Variants in SEMA3E observed in about 807,000 individuals in gnomAD.
SEMA3E encodes semaphorin-3E.
In SEMA3E, 49 loss-of-function variants were observed where a neutral mutation model predicts 93.6. That is an observed-to-expected ratio of 0.52 (90% CI 0.42 to 0.66). The LOEUF is 0.66. Among genes scored for constraint, SEMA3E ranks in the 30% least tolerant of loss-of-function variants. SEMA3E has a pLI of 0.00. For missense variants in SEMA3E, 906 were observed against 964.8 expected, an observed-to-expected ratio of 0.94 and a Z score of 0.81; for synonymous variants, 363 against 330.7, an observed-to-expected ratio of 1.10 and a Z score of -1.06.
At chr7:83,515,162 C>A (rs1790900988) in intron 1 of SEMA3E, among the ~76,000 whole-genome samples, 1 of 152,040 alleles carries the variant, frequency 6.6e-6, no homozygotes, top group Non-Finnish European at 1.5e-5. Flanking sequence ...TACCCTTGCC[C>A]AGCGCCCCTC....
intron 2 of SEMA3E, among the ~76,000 whole-genome samples, chr7:83,486,604 G>A (rs973068124): frequency 2.0e-5 from 3 of 151,980 alleles, no homozygotes; most frequent in African/African-American, 2.4e-5. Flanking sequence ...CTCCTACTCC[G>A]CTGCTACTAA....
chr7:83,490,909 A>T (rs2115979290), intron 1 of SEMA3E, among the ~76,000 whole-genome samples: 1 of 152,200 alleles, frequency 6.6e-6, no homozygotes, highest in South Asian at 2.1e-4. Context: ...AATCTGGCAA[A>T]CCTCTCATGT....
At chr7:83,519,084 T>C (rs1332777801) in intron 1 of SEMA3E, among the ~76,000 whole-genome samples, 2 of 152,064 alleles carry the variant, frequency 1.3e-5, no homozygotes, top group Admixed American at 6.6e-5. Flanking sequence ...ACTCGTCATT[T>C]AGCATTAGGT....
chr7:83,389,754 A>AC, intron 14 of SEMA3E, among the ~76,000 whole-genome samples: 1 of 140,246 alleles, frequency 7.1e-6, no homozygotes, highest in Non-Finnish European at 1.5e-5. Flanking sequence ...TATATATTAC[A>AC]TGTATACATA....
At position 83,633,897 on chromosome 7, in the gene SEMA3E, C is replaced by T. The variant is rs540097017; in HGVS notation, c.115+14531G>A. Among the ~76,000 whole-genome samples the T allele has an allele frequency of 4.6e-5, 7 of 152,262 alleles. No individual in the cohort carries two copies. In the South Asian group the frequency reaches 1.5e-3, roughly 32 times the overall value. On this transcript the variant is annotated intron_variant, in intron 1 of 16. Transcript: ENST00000643230. ...TGTCATCAACAAAATTGCAATATTACACACACCATTCACAGGGAGATCACT... is the reference window on the plus strand; with the variant it reads ...TGTCATCAACAAAATTGCAATATTATACACACCATTCACAGGGAGATCACT...
At chr7:83,495,924 C>T (rs540374088) in intron 1 of SEMA3E, among the ~76,000 whole-genome samples, 4 of 151,928 alleles carry the variant, frequency 2.6e-5, no homozygotes, top group East Asian at 1.9e-4. Flanking sequence ...GGAAGATGTA[C>T]GAGACGTCTC....
chr7:83,410,533 A>C (rs1205163712), intron 5 of SEMA3E, among the ~76,000 whole-genome samples: 1 of 152,080 alleles, frequency 6.6e-6, no homozygotes, highest in Non-Finnish European at 1.5e-5. Context: ...GAAAGGGAAA[A>C]GATTAACATA....
chr7:83,463,171 CAAA>C (rs1336988052), intron 4 of SEMA3E, among the ~76,000 whole-genome samples: 1 of 82,636 alleles, frequency 1.2e-5, no homozygotes, highest in East Asian at 0.018. Flanking sequence ...GCACCTTCTA[CAAA>C]ACAACAACTC....
At chr7:83,455,233 T>G (rs922332544) in intron 4 of SEMA3E, among the ~76,000 whole-genome samples, 1 of 152,206 alleles carries the variant, frequency 6.6e-6, no homozygotes, top group East Asian at 1.9e-4. Context: ...CCTGTTAAAA[T>G]ATGGCAGCAG....
At chr7:83,598,171 G>C (rs919583787) in intron 1 of SEMA3E, among the ~76,000 whole-genome samples, 4 of 152,114 alleles carry the variant, frequency 2.6e-5, no homozygotes, top group Non-Finnish European at 4.4e-5. Flanking sequence ...GCTGAAGCAG[G>C]GGTAAGCTAG....
At chr7:83,387,187 C>G (rs1787899063) in intron 14 of SEMA3E, 137 bp from the exon 15 acceptor site, 7 of 750,330 alleles carry the variant, frequency 9.3e-6, no homozygotes, top group Non-Finnish European at 1.6e-5. Context: ...AGAATAAAAT[C>G]CAAGTTTCAT....
At chr7:83,579,519 C>A (rs1252873894) in intron 1 of SEMA3E, among the ~76,000 whole-genome samples, 3 of 151,878 alleles carry the variant, frequency 2.0e-5, no homozygotes, top group African/African-American at 4.8e-5. Flanking sequence ...TAAAATTGGC[C>A]CACTGACATT....
At chr7:83,467,399 A>G (rs1789791292) in intron 3 of SEMA3E, among the ~76,000 whole-genome samples, 1 of 152,196 alleles carries the variant, frequency 6.6e-6, no homozygotes, top group South Asian at 2.1e-4. Flanking sequence ...CACACTCACA[A>G]ATTCACATAA....
intron 5 of SEMA3E, among the ~76,000 whole-genome samples, chr7:83,418,085 T>G (rs1788591973): frequency 6.6e-6 from 1 of 152,246 alleles, no homozygotes; most frequent in Admixed American, 6.5e-5. Context: ...CTGGCAAAAT[T>G]TTTATAAAGT....
At chr7:83,577,002 C>A (rs1017935881) in intron 1 of SEMA3E, among the ~76,000 whole-genome samples, 1 of 152,252 alleles carries the variant, frequency 6.6e-6, no homozygotes, top group Non-Finnish European at 1.5e-5. Flanking sequence ...TGCTTTATAT[C>A]ATTTCAATAT....
chr7:83,554,997 TA>T (rs1791857325), intron 1 of SEMA3E, among the ~76,000 whole-genome samples: 1 of 145,152 alleles, frequency 6.9e-6, no homozygotes, highest in African/African-American at 2.6e-5. Context: ...AATAAATAAA[TA>T]AAAATGGAAA....
chr7:83,413,137 A>C (rs1232695876), intron 5 of SEMA3E, among the ~76,000 whole-genome samples: 1 of 152,042 alleles, frequency 6.6e-6, no homozygotes, highest in African/African-American at 2.4e-5. Context: ...TTTTTTTTAC[A>C]ATGTGAACTC....
chr7:83,453,396 G>A (rs981111998), intron 4 of SEMA3E, among the ~76,000 whole-genome samples: 8 of 144,974 alleles, frequency 5.5e-5, no homozygotes, highest in Non-Finnish European at 1.2e-4. Flanking sequence ...ACTCCAATGC[G>A]TAAAATAATC....
chr7:83,508,271 T>C (rs911272977), intron 1 of SEMA3E, among the ~76,000 whole-genome samples: 5 of 151,954 alleles, frequency 3.3e-5, no homozygotes, highest in African/African-American at 9.6e-5. Flanking sequence ...TTCTTTTTTT[T>C]TTTTTTTGAA....
Sources: gnomAD v4.1 joint callset for allele counts (sites outside exome capture counted in the v4.1 genomes callset) on GRCh38, gnomAD v4.1.1 for gene constraint, MANE v1.5 for transcripts, NCBI Gene and HGNC (gene_info 2026-07-23, HGNC 2026-07-21) for gene names.